The following SCNN1D variants were observed in gnomAD, a reference collection of about 807,000 sequenced individuals.
The protein encoded by SCNN1D is epithelial sodium channel subunit delta.
Under a neutral mutation model 87.8 loss-of-function variants are expected in SCNN1D, and 104 were observed. The observed-to-expected ratio is 1.18, with a 90% CI of 1.01 to 1.39. SCNN1D has a LOEUF of 1.39. SCNN1D is among the 40% of genes most tolerant of loss of function. The pLI is 0.00. For synonymous variants in SCNN1D, 628 were observed against 481.2 expected (o/e 1.31, Z -3.99); for missense variants, 1,324 against 1,093.9 (o/e 1.21, Z -2.97).
Position 1,290,372 on chromosome 1 carries a change from C to A in SCNN1D, c.1764C>A (p.Ala588=). 1 of 1,601,614 alleles carries A rather than the reference C, an allele frequency of 6.2e-7. No homozygotes were observed. Among genetic ancestry groups the A allele is most frequent in the Non-Finnish European group, 8.5e-7 (1 of 1,172,894 alleles). Residue 588 remains alanine, a synonymous_variant, in exon 13 of 18, where the codon GCC becomes GCA. Coordinates refer to ENST00000379116, the MANE Select transcript of SCNN1D (RefSeq NM_001130413.4). ...LPAGAEYCSS[A]RHPAWGHCFY... is the part of the protein sequence containing the mutation. ...CGGGGGCTGAGTACTGCAGCTCTGCCCGGCACCCTGCCTGGGGTGAGTCCT... is the reference window on the plus strand; with the variant it reads ...CGGGGGCTGAGTACTGCAGCTCTGCACGGCACCCTGCCTGGGGTGAGTCCT...
chr1:1,291,623 AG>A lies in SCNN1D; in HGVS notation c.*16del, dbSNP rs1407522090. Reference sequence around the variant, plus strand: ...TCTGGACACCTGAACCAGACCTGCCAGGGCTGTGCGATCTCTTGGCCTGGTC... The same window carrying A: ...TCTGGACACCTGAACCAGACCTGCCAGGCTGTGCGATCTCTTGGCCTGGTC... On this transcript the variant is annotated 3_prime_UTR_variant, in exon 18 of 18. Transcript: ENST00000379116. The A allele has an allele frequency of 6.7e-7, 1 of 1,502,874 alleles. No homozygotes were observed. The highest frequency in any genetic ancestry group is 1.4e-5 in the African/African-American group (1 of 71,346). The allele number at this position is 1,502,874 out of a possible 1,614,324, so 93.1% of individuals were successfully genotyped here.
In SCNN1D at chr1:1,287,939, G is replaced by A. The variant is rs949261338; in HGVS notation, c.1564G>A (p.Asp522Asn). ...ATGGAACTGAAGCGTCCCCTCCCAG[G>A]ACGAGGTGCACCGGCTCGGGAGCCC... ...GTEATISIRE[D>N]EVHRLGSPYG... The change falls in exon 12 of 18, where the codon GAC becomes AAC. Residue 522 changes from aspartate to asparagine, a missense_variant and splice_region_variant. Coordinates refer to ENST00000379116, the MANE Select transcript of SCNN1D (RefSeq NM_001130413.4). 46 of 1,542,040 alleles carry A rather than the reference G, an allele frequency of 3.0e-5. No homozygotes were observed. The highest frequency in any genetic ancestry group is 3.9e-5 in the Non-Finnish European group (44 of 1,141,566).
Position 1,290,258 on chromosome 1 carries a change from C to G in SCNN1D, c.1663-13C>G, listed in dbSNP as rs750884683. 6.5e-7 allele frequency: 1 copy of G among 1,543,746 alleles called. No homozygotes were observed. The highest frequency in any genetic ancestry group is 8.7e-7 in the Non-Finnish European group (1 of 1,143,880). ...CTCCATCCCATGTCCCTGCTCATCC[C>G]CCCTGTCCCCAGGCCTGCCTGGTGT... is the stretch of plus-strand genomic sequence containing the variant. On this transcript the variant is annotated splice_polypyrimidine_tract_variant and intron_variant, in intron 12 of 17. Transcript: ENST00000379116.
At chr1:1,286,326 G>C (rs746741278) in intron 7 of SCNN1D, 48 bp downstream of exon 7, 5 of 1,428,418 alleles carry the variant, frequency 3.5e-6, no homozygotes, top group Non-Finnish European at 3.8e-6. Flanking sequence ...CCAGCTCCTT[G>C]CCCCTGTGAC....
intron 12 of SCNN1D, among the ~76,000 whole-genome samples, chr1:1,290,002 CCGTGTCCCTGCTCCGT>C (rs1435112558): frequency 4.8e-5 from 3 of 62,870 alleles, no homozygotes; most frequent in Admixed American, 2.0e-4. Context: ...CTGCTCCGTC[CCGTGTCCCTGCTCCGT>C]CCCGTGTCTC....
rs1195643004 is a variant in SCNN1D at position 1,290,820 on chromosome 1, C to T, written c.1918-75C>T. Reference sequence around the variant, plus strand: ...AGCCTATGCCCCGTGGTCTCTGCCCCCACATCCGCCCGTGGTACCCAGGAT... The same window carrying T: ...AGCCTATGCCCCGTGGTCTCTGCCCTCACATCCGCCCGTGGTACCCAGGAT... On this transcript the variant is annotated intron_variant, in intron 15 of 17. Coordinates refer to ENST00000379116, the MANE Select transcript of SCNN1D (RefSeq NM_001130413.4). 1.9e-6 allele frequency: 3 copies of T among 1,584,934 alleles called. No individual in the cohort carries two copies. In the Admixed American group the frequency reaches 5.1e-5, roughly 27 times the overall value.
intron 1 of SCNN1D, 139 bp from the exon 2 acceptor site, chr1:1,281,083 CCTGT>C (rs1317994040): frequency 1.4e-5 from 11 of 787,846 alleles, no homozygotes; most frequent in East Asian, 1.1e-4. Context: ...CCTTGGGCTG[CCTGT>C]CTATTGCACC....
rs58779375 is a variant in SCNN1D at position 1,285,784 on chromosome 1, T to C, written c.558+120T>C. The C allele has an allele frequency of 1.4e-3, 1,595 of 1,178,138 alleles. 21 individuals are homozygous for C. In the African/African-American group the frequency reaches 0.022, roughly 16 times the overall value. 73.0% of individuals were successfully genotyped at this position (1,178,138 alleles called of 1,614,324 possible). On this transcript the variant is annotated intron_variant, in intron 6 of 17. Transcript: ENST00000379116. The stretch of plus-strand genomic sequence containing the variant: ...GGTGTATCCGGGGAGAAGGGCGCAG[T>C]GTCAGAGCACCCTGGGAGGGGCTTG...
Position 1,287,930 on chromosome 1 carries a change from C to G in SCNN1D, c.1564-9C>G, listed in dbSNP as rs1201542446. ...GCAGGGCCCATGGAACTGAAGCGTC[C>G]CCTCCCAGGACGAGGTGCACCGGCT... is the stretch of plus-strand genomic sequence containing the variant. On this transcript the variant is annotated splice_polypyrimidine_tract_variant and intron_variant, in intron 11 of 17. Coordinates refer to ENST00000379116, the MANE Select transcript of SCNN1D (RefSeq NM_001130413.4). The G allele has an allele frequency of 6.5e-7, 1 of 1,538,518 alleles. No individual in the cohort carries two copies. The highest frequency in any genetic ancestry group is 2.5e-5 in the East Asian group (1 of 40,656).
chr1:1,290,067 CT>C (rs1640737536), intron 12 of SCNN1D, among the ~76,000 whole-genome samples: 5 of 133,968 alleles, frequency 3.7e-5, no homozygotes, highest in Admixed American at 7.3e-5. Context: ...CGTGTCTCTG[CT>C]CCGTCCCGTG....
intron 12 of SCNN1D, among the ~76,000 whole-genome samples, chr1:1,289,817 T>C (rs867943015): frequency 3.7e-4 from 1 of 2,692 alleles, no homozygotes; most frequent in Non-Finnish European, 5.0e-4. Context: ...GTGTCTCTGC[T>C]CCGTCCCCCG....
In SCNN1D at chr1:1,288,347, CCCCGTGTCTCTGCTCCGT is replaced by C. The variant is rs1640674417; in HGVS notation, c.1662+319_1662+336del. 4.7e-5 allele frequency among the ~76,000 whole-genome samples: 2 copies of C among 42,938 alleles called. 1 individual carries two copies. Among genetic ancestry groups the C allele is most frequent in the Non-Finnish European group, 7.1e-5 (2 of 28,028 alleles). 28.2% of individuals were successfully genotyped at this position (42,938 alleles called of 152,430 possible). ...CTCCGTCCCGTGTCTCTGCCCCGTC[CCCCGTGTCTCTGCTCCGT>C]CCCGTGTCCCTGCTCCGTCCCGTGT... On this transcript the variant is annotated intron_variant, in intron 12 of 17. Transcript: ENST00000379116.
chr1:1,291,389 C>T lies in SCNN1D; in HGVS notation c.2188C>T (p.Arg730Cys), dbSNP rs150124819. The T allele has an allele frequency of 2.1e-4, 335 of 1,608,514 alleles. No individual in the cohort carries two copies. The highest frequency in any genetic ancestry group is 1.8e-3 in the East Asian group (82 of 44,832). ...CCTGGTGCTAGGCGGCCGCCGGCTC[C>T]GCAGGGCGTGGTTCTCCTGGCCCAG... ...LTLVLGGRRL[R>C]RAWFSWPRAS... Residue 730 changes from arginine to cysteine, a missense_variant, in exon 18 of 18, where the codon CGC becomes TGC. Coordinates refer to ENST00000379116, the MANE Select transcript of SCNN1D (RefSeq NM_001130413.4).
chr1:1,291,668 G>A lies in SCNN1D; in HGVS notation c.*58G>A, dbSNP rs944411803. On this transcript the variant is annotated 3_prime_UTR_variant, in exon 18 of 18. Transcript: ENST00000379116. ...CCTGGTCCTTGCAGCTGTGGCAGCA[G>A]CAGGCTCCCCAGCGGCCCAGGGTGG... 8 of 1,358,444 alleles carry A rather than the reference G, an allele frequency of 5.9e-6. No individual in the cohort carries two copies. In the African/African-American group the frequency reaches 5.9e-5, roughly 10 times the overall value. The allele number at this position is 1,358,444 out of a possible 1,614,324, so 84.1% of individuals were successfully genotyped here.
chr1:1,281,683 C>A (rs1199894657), intron 3 of SCNN1D, 73 bp downstream of exon 3: 2 of 1,365,466 alleles, frequency 1.5e-6, no homozygotes, highest in African/African-American at 1.4e-5. Context: ...GCTGCGTGAT[C>A]CAGCCGAGAT....
chr1:1,280,979 G>T, intron 1 of SCNN1D: 2 of 591,138 alleles, frequency 3.4e-6, no homozygotes, highest in South Asian at 2.1e-5. Context: ...GGGCCGAGGG[G>T]GCTCTGCCTG....
At position 1,287,225 on chromosome 1, in the gene SCNN1D, G is replaced by A; in HGVS notation, c.1236G>A (p.Trp412Ter). 1 of 1,611,758 alleles carries A rather than the reference G, an allele frequency of 6.2e-7. No homozygotes were observed. The highest frequency in any genetic ancestry group is 1.3e-5 in the African/African-American group (1 of 75,046). Residue 412 changes from tryptophan to a stop codon, truncating the protein, a stop_gained, in exon 9 of 18, where the codon TGG becomes TGA. Transcript: ENST00000379116. LOFTEE classifies it high-confidence loss of function. Reference sequence around the variant, plus strand: ...TCCTGGCCCTGCTGCCCGCGGCATGGGAGGACAGCCACGGGAGCCAGGACG... The same window carrying A: ...TCCTGGCCCTGCTGCCCGCGGCATGAGAGGACAGCCACGGGAGCCAGGACG... ...VDILALLPAA[W>*]EDSHGSQDGH...
chr1:1,286,856 G>A lies in SCNN1D; in HGVS notation c.1000G>A (p.Gly334Ser). 1 of 1,612,690 alleles carries A rather than the reference G, an allele frequency of 6.2e-7. No individual in the cohort carries two copies. The highest frequency in any genetic ancestry group is 8.5e-7 in the Non-Finnish European group (1 of 1,179,920). ...CCTGTACAACGTCAACCTCAGCAAA[G>A]GCAGAGCCGCCCTCTCCGCCACTGT... is the stretch of plus-strand genomic sequence containing the variant. Reference protein sequence around the residue: ...DSLYNVNLSKGRAALSATVPR... With the variant: ...DSLYNVNLSKSRAALSATVPR... The change falls in exon 8 of 18, where the codon GGC becomes AGC. Residue 334 changes from glycine to serine, a missense_variant. Gly to Ser is a moderately conservative substitution (Grantham distance 56). Transcript: ENST00000379116.
At chr1:1,283,927 C>T in intron 4 of SCNN1D, 51 bp from the exon 5 acceptor site, 2 of 1,129,322 alleles carry the variant, frequency 1.8e-6, no homozygotes, top group Non-Finnish European at 2.4e-6. Context: ...CTGGCTGGGT[C>T]CTCCCTCGCC....
Sources: allele counts gnomAD v4.1 joint callset (sites outside exome capture counted in the v4.1 genomes callset), GRCh38; gene constraint gnomAD v4.1.1; transcripts MANE v1.5; gene names NCBI Gene and HGNC (gene_info 2026-07-23, HGNC 2026-07-21).